The following PTK2 variants were observed in gnomAD, a reference collection of about 807,000 sequenced individuals.
PTK2 encodes the protein focal adhesion kinase 1.
PTK2 carries 45 observed loss-of-function variants against 150.1 expected under a neutral mutation model. The observed-to-expected ratio is 0.30, with a 90% CI of 0.24 to 0.38. PTK2 has a LOEUF of 0.38. Ranked by LOEUF, PTK2 falls within the 10% of genes least tolerant of loss-of-function variation. The probability of loss-of-function intolerance (pLI) is 1.00; values close to 1 mark genes in which losing one functional copy is unlikely to be tolerated. For missense variants in PTK2, 919 were observed against 1,307.3 expected, an observed-to-expected ratio of 0.70 and a Z score of 4.58; for synonymous variants, 432 against 449.2, an observed-to-expected ratio of 0.96 and a Z score of 0.48.
intron 1 of PTK2, among the ~76,000 whole-genome samples, chr8:140,990,232 A>ATTTTTTTT (rs11312570): frequency 6.8e-6 from 1 of 146,808 alleles, no homozygotes; most frequent in Non-Finnish European, 1.5e-5. Flanking sequence ...TCCTTGACCA[A>ATTTTTTTT]TTTTTTTTTT....
intron 16 of PTK2, among the ~76,000 whole-genome samples, chr8:140,758,549 T>G (rs932399323): frequency 4.6e-5 from 7 of 152,038 alleles, no homozygotes; most frequent in African/African-American, 1.7e-4. Flanking sequence ...TGGGACAAGG[T>G]GTGGAGGTCG....
At chr8:140,909,537 G>A (rs1482392088) in intron 2 of PTK2, 4 of 152,214 alleles carry the variant, frequency 2.6e-5, no homozygotes, top group African/African-American at 9.6e-5. Context: ...AGATCTTCAA[G>A]AGGAGCAGTA....
intron 1 of PTK2, among the ~76,000 whole-genome samples, chr8:140,945,618 T>A (rs958223376): frequency 6.6e-6 from 1 of 151,988 alleles, no homozygotes; most frequent in Non-Finnish European, 1.5e-5. Context: ...AAAAAATATA[T>A]CAATGTTTAA....
rs191376716 is a variant in PTK2, at chr8:140,890,698, G to T, written c.40C>A (p.Pro14Thr). The change falls in exon 3 of 32, where the codon CCA becomes ACA. Residue 14 changes from proline (P) to threonine (T), a missense_variant. Pro to Thr is a conservative substitution (Grantham distance 38). Transcript: ENST00000522684. The stretch of plus-strand genomic sequence containing the variant: ...AGGTGAGTCTTAGTACTCGAATTTG[G>T]TGTGTGATTCAAGTTGGGGTCAAGG... 1.4e-5 allele frequency: 23 copies of T among 1,614,082 alleles called. No homozygotes were observed. In the Admixed American group the frequency reaches 2.5e-4, roughly 18 times the overall value.
intron 22 of PTK2, among the ~76,000 whole-genome samples, chr8:140,720,817 G>A (rs2100042482): frequency 6.6e-6 from 1 of 152,116 alleles, no homozygotes; most frequent in South Asian, 2.1e-4. Flanking sequence ...GCAGTGGCAC[G>A]ATCTCAGCTC....
chr8:140,967,122 T>G (rs2100185571), intron 1 of PTK2, among the ~76,000 whole-genome samples: 1 of 152,194 alleles, frequency 6.6e-6, no homozygotes, highest in African/African-American at 2.4e-5. Flanking sequence ...GAAACAGACT[T>G]AAAGAAGTTA....
intron 3 of PTK2, among the ~76,000 whole-genome samples, chr8:140,888,791 T>G (rs543624557): frequency 1.8e-4 from 28 of 152,324 alleles, no homozygotes; most frequent in Admixed American, 1.2e-3. Flanking sequence ...CTTGTCAAAT[T>G]CATAATCTTT....
At chr8:140,972,758 G>A (rs1040531289) in intron 1 of PTK2, among the ~76,000 whole-genome samples, 3 of 151,842 alleles carry the variant, frequency 2.0e-5, no homozygotes, top group African/African-American at 4.8e-5. Context: ...CAGGTCTTCC[G>A]CACACTGGTA....
At chr8:141,001,494 C>G (rs1424240940), upstream of PTK2, 1 of 152,344 alleles carries the variant, frequency 6.6e-6, no homozygotes, top group African/African-American at 2.4e-5. Flanking sequence ...TCGGGGTGGC[C>G]CGAGGCTGCG....
intron 1 of PTK2, among the ~76,000 whole-genome samples, chr8:140,941,711 A>AT (rs1030765082): frequency 8.6e-4 from 128 of 148,522 alleles, no homozygotes; most frequent in African/African-American, 2.5e-3. Context: ...GAGCAACTCT[A>AT]TTTTTTTTTT....
intron 1 of PTK2, among the ~76,000 whole-genome samples, chr8:140,958,993 C>T (rs1178465221): frequency 2.6e-5 from 4 of 152,100 alleles, no homozygotes; most frequent in African/African-American, 9.7e-5. Context: ...GTCTCTTCCC[C>T]GTTGCTCTAC....
chr8:140,838,963 G>A (rs2100120552), intron 7 of PTK2, among the ~76,000 whole-genome samples: 1 of 149,714 alleles, frequency 6.7e-6, no homozygotes, highest in South Asian at 2.1e-4. Flanking sequence ...CCGAGATCGC[G>A]CCACTGCACT....
At chr8:140,670,478 A>C (rs1273271696) in intron 29 of PTK2, among the ~76,000 whole-genome samples, 38 of 59,004 alleles carry the variant, frequency 6.4e-4, no homozygotes, top group African/African-American at 1.7e-3. Context: ...AAAAAAAAAA[A>C]AAAAACAACA....
At chr8:140,780,405 G>C (rs570180096) in intron 14 of PTK2, among the ~76,000 whole-genome samples, 3 of 152,042 alleles carry the variant, frequency 2.0e-5, no homozygotes, top group East Asian at 1.9e-4. Context: ...TTGTGGGGAG[G>C]GGGGGAATCA....
chr8:140,902,953 T>G lies in PTK2; in HGVS notation c.-32-12184A>C, dbSNP rs889816959. Among the ~76,000 whole-genome samples the G allele has an allele frequency of 1.2e-4, 15 of 125,516 alleles. 1 individual carries two copies. The highest frequency in any genetic ancestry group is 4.2e-4 in the East Asian group (2 of 4,800). 82.3% of individuals were successfully genotyped at this position (125,516 alleles called of 152,430 possible). On this transcript the variant is annotated intron_variant, in intron 2 of 31. Coordinates refer to ENST00000522684, the Ensembl canonical transcript of PTK2. ...TTTTTTTTTTTTTTTTTTTTTTTTT[T>G]TTTTTTGCCATGCAGAAGCTCTTTA...
At chr8:140,671,978 CAT>C (rs2095569552) in intron 29 of PTK2, among the ~76,000 whole-genome samples, 1 of 151,772 alleles carries the variant, frequency 6.6e-6, no homozygotes, top group African/African-American at 2.4e-5. Flanking sequence ...TTTAAGTACA[CAT>C]ATTATTTTCA....
chr8:140,681,864 T>C (rs2100017171), intron 27 of PTK2, among the ~76,000 whole-genome samples: 2 of 152,214 alleles, frequency 1.3e-5, no homozygotes, highest in Non-Finnish European at 2.9e-5. Flanking sequence ...TTAACCTATT[T>C]ATGCTGGAGG....
chr8:140,672,028 G>A, intron 29 of PTK2: 1 of 371,790 alleles, frequency 2.7e-6, no homozygotes, highest in South Asian at 2.0e-5. Context: ...CTAATTGTAT[G>A]TATTCATTAT....
At chr8:140,915,121 T>C (rs1025516179) in intron 2 of PTK2, among the ~76,000 whole-genome samples, 4 of 150,298 alleles carry the variant, frequency 2.7e-5, no homozygotes, top group Middle Eastern at 7.1e-3. Flanking sequence ...CCTTGTCTCA[T>C]GGGGTGTACA....
Sources: allele counts gnomAD v4.1 joint callset (sites outside exome capture counted in the v4.1 genomes callset), GRCh38; gene constraint gnomAD v4.1.1; transcripts MANE v1.5; gene names NCBI Gene and HGNC (gene_info 2026-07-23, HGNC 2026-07-21).